PLCL2: variants seen among roughly 807,000 people sequenced by gnomAD.
The protein encoded by PLCL2 is phospholipase C like 2, also known as inactive phospholipase C-like protein 2.
Under a neutral mutation model 79.6 loss-of-function variants are expected in PLCL2, and 4 were observed. The ratio of observed to expected loss-of-function variants is 0.05; its 90% CI spans 0.02 to 0.11. The LOEUF is 0.11. PLCL2 is among the 10% of genes least tolerant of loss of function. The pLI, the probability that PLCL2 is intolerant of heterozygous loss-of-function variation, is 1.00. For missense variants in PLCL2, 895 were observed against 1,291.0 expected (o/e 0.69, Z 4.70); for synonymous variants, 484 against 457.7 (o/e 1.06, Z -0.73).
chr3:17,035,884 T>C, intron 3 of PLCL2: 1 of 460,928 alleles, frequency 2.2e-6, no homozygotes, highest in Admixed American at 2.2e-5. Context: ...CCAAATATGC[T>C]CCTCTGTATG....
Position 16,886,724 on chromosome 3 carries a change from A to T in PLCL2, c.327+1358A>T, listed in dbSNP as rs1696233331. Among the ~76,000 whole-genome samples the T allele has an allele frequency of 6.6e-6, 1 of 152,182 alleles. No individual in the cohort carries two copies. The highest frequency in any genetic ancestry group is 2.1e-4 in the South Asian group (1 of 4,830). On this transcript the variant is annotated intron_variant, in intron 1 of 5. Transcript: ENST00000615277. This position sits in a 1 kb window ranked among gnomAD's most constrained non-coding sequence, Gnocchi z 4.2. ...TTTGCTGCATACATAGCTTTTAGTG[A>T]CTTACGTTTTCTTTTACTCTGTAGC... is the stretch of plus-strand genomic sequence containing the variant.
chr3:17,016,371 C>T (rs1559520371), intron 3 of PLCL2, among the ~76,000 whole-genome samples: 1 of 152,140 alleles, frequency 6.6e-6, no homozygotes, highest in Non-Finnish European at 1.5e-5. Flanking sequence ...GGGGCTGTTT[C>T]CTTCTTAGCA....
chr3:17,010,058 G>A lies in PLCL2; in HGVS notation c.712G>A (p.Val238Ile). 5.0e-6 allele frequency: 8 copies of A among 1,613,030 alleles called. No homozygotes were observed. Among genetic ancestry groups the A allele is most frequent in the Non-Finnish European group, 6.8e-6 (8 of 1,179,010 alleles). ...SLDLVANSAD[V>I]ANIWVTGLRY... is the part of the protein sequence containing the mutation. ...GGATTTGGTTGCCAACTCCGCAGAT[G>A]TTGCAAACATCTGGGTTACAGGACT... Residue 238 changes from valine (V) to isoleucine (I), a missense_variant, in exon 2 of 6, where the codon GTT becomes ATT. Physicochemically the swap from Val to Ile is conservative, Grantham distance 29 (BLOSUM62 3). Transcript: ENST00000615277. The surrounding 1 kb of genome is among the most constrained non-coding windows in gnomAD (Gnocchi z 5.8).
chr3:16,965,159 C>G (rs978830203), intron 1 of PLCL2, among the ~76,000 whole-genome samples: 1 of 152,176 alleles, frequency 6.6e-6, no homozygotes, highest in Admixed American at 6.5e-5. Context: ...TTTGGTCTAA[C>G]ATTTAAGTCT....
chr3:16,941,084 C>T (rs1415132006), intron 1 of PLCL2, among the ~76,000 whole-genome samples: 1 of 152,208 alleles, frequency 6.6e-6, no homozygotes, highest in African/African-American at 2.4e-5. Flanking sequence ...CCTTTTCCTA[C>T]TACTAAGAGA....
At chr3:16,905,324 C>T (rs1267435606) in intron 1 of PLCL2, among the ~76,000 whole-genome samples, 2 of 152,152 alleles carry the variant, frequency 1.3e-5, no homozygotes, top group African/African-American at 4.8e-5. Flanking sequence ...CTCAGTACTA[C>T]CTCTCTGTCT....
At chr3:16,970,524 G>A (rs1454692333) in intron 1 of PLCL2, among the ~76,000 whole-genome samples, 29 of 148,296 alleles carry the variant, frequency 2.0e-4, no homozygotes, top group Non-Finnish European at 3.7e-4. Context: ...ATAAACATAC[G>A]TGTGCATGTG....
chr3:16,957,640 C>A (rs1275659877), intron 1 of PLCL2, among the ~76,000 whole-genome samples: 4 of 152,062 alleles, frequency 2.6e-5, no homozygotes, highest in Non-Finnish European at 5.9e-5. Context: ...GTTAAAGTCT[C>A]CCATTATTAT....
chr3:17,035,838 A>G (rs554178037), intron 3 of PLCL2: 3 of 504,088 alleles, frequency 6.0e-6, no homozygotes, highest in East Asian at 6.1e-5. Context: ...GGCCTTCCAC[A>G]TCATGCCTGC....
intron 1 of PLCL2, among the ~76,000 whole-genome samples, chr3:16,982,990 T>C (rs2064015646): frequency 6.6e-6 from 1 of 152,230 alleles, no homozygotes; most frequent in Non-Finnish European, 1.5e-5. Context: ...GGCTTTTGTT[T>C]TGAATTGTTT....
intron 3 of PLCL2, among the ~76,000 whole-genome samples, chr3:17,035,137 G>A (rs2064632014): frequency 6.6e-6 from 1 of 152,106 alleles, no homozygotes; most frequent in South Asian, 2.1e-4. Flanking sequence ...CAATTATCCA[G>A]TGCCAGAAGC....
At chr3:16,989,447 GTA>G (rs2064082457) in intron 1 of PLCL2, among the ~76,000 whole-genome samples, 2 of 152,140 alleles carry the variant, frequency 1.3e-5, no homozygotes, top group South Asian at 4.1e-4. Context: ...TGCTGTAAAT[GTA>G]AAATATGGTG....
At chr3:16,943,187 A>G (rs2063567913) in intron 1 of PLCL2, among the ~76,000 whole-genome samples, 1 of 152,200 alleles carries the variant, frequency 6.6e-6, no homozygotes, top group Admixed American at 6.5e-5. Context: ...ATTATTAAAA[A>G]CACTACTGAA....
intron 1 of PLCL2, among the ~76,000 whole-genome samples, chr3:16,912,291 G>A (rs887519614): frequency 2.0e-5 from 3 of 151,906 alleles, no homozygotes; most frequent in African/African-American, 7.3e-5. Context: ...ATTGTGATTG[G>A]TCTTTAACCT....
intron 1 of PLCL2, among the ~76,000 whole-genome samples, chr3:17,003,443 TG>T (rs372772981): frequency 7.9e-4 from 120 of 152,340 alleles, no homozygotes; most frequent in Middle Eastern, 3.4e-3. Context: ...TCAGAGTTCC[TG>T]CTCTGCCCTC....
At chr3:17,061,205 G>A (rs1410764381) in intron 4 of PLCL2, among the ~76,000 whole-genome samples, 7 of 152,096 alleles carry the variant, frequency 4.6e-5, no homozygotes, top group Non-Finnish European at 8.8e-5. Flanking sequence ...TCATTTCATC[G>A]AAAAAGGAGA....
Position 16,950,316 on chromosome 3 carries a change from A to T in PLCL2, c.328-59358A>T, listed in dbSNP as rs190658237. Among the ~76,000 whole-genome samples the T allele has an allele frequency of 2.1e-3, 316 of 152,254 alleles. 1 individual carries two copies. Among genetic ancestry groups the T allele is most frequent in the African/African-American group, 5.9e-3 (244 of 41,562 alleles). The stretch of plus-strand genomic sequence containing the variant: ...ACCTTATGTCCTTCACTAAAGTTTT[A>T]TCTATTTTTTCTTAACAGGCTTGCA... On this transcript the variant is annotated intron_variant, in intron 1 of 5. Transcript: ENST00000615277.
At chr3:16,987,278 C>T (rs561001417) in intron 1 of PLCL2, among the ~76,000 whole-genome samples, 3 of 152,112 alleles carry the variant, frequency 2.0e-5, no homozygotes, top group East Asian at 1.9e-4. Context: ...AATTCAGAAA[C>T]GCTTCCTAGC....
At chr3:17,082,380 C>T (rs1318937819) in intron 5 of PLCL2, among the ~76,000 whole-genome samples, 1 of 152,018 alleles carries the variant, frequency 6.6e-6, no homozygotes, top group Non-Finnish European at 1.5e-5. Flanking sequence ...GATCCGCCCG[C>T]CTCGGCCTCC....
Sources: gnomAD v4.1 joint callset for allele counts (sites outside exome capture counted in the v4.1 genomes callset) on GRCh38, gnomAD v4.1.1 for gene constraint, Gnocchi (gnomAD v3.1) non-coding constraint, MANE v1.5 for transcripts, NCBI Gene and HGNC (gene_info 2026-07-23, HGNC 2026-07-21) for gene names.